The following SPMIP7 variants were observed in gnomAD, a reference collection of about 807,000 sequenced individuals.
SPMIP7 encodes protein SPMIP7.
the SPMIP7 span, among the ~76,000 whole-genome samples, chr7:50,139,597 A>AT: frequency 6.6e-6 from 1 of 152,162 alleles, no homozygotes; most frequent in African/African-American, 2.4e-5. Flanking sequence ...TAATTTGTTG[A>AT]TTATAAGTCA....
the SPMIP7 span, among the ~76,000 whole-genome samples, chr7:50,135,071 C>T: frequency 1.3e-5 from 2 of 152,142 alleles, no homozygotes. Flanking sequence ...CTCAAGTCTC[C>T]CATGCTCGTT....
the SPMIP7 span, among the ~76,000 whole-genome samples, chr7:50,103,065 T>TATATAA: frequency 7.4e-6 from 1 of 135,730 alleles, no homozygotes; most frequent in Non-Finnish European, 1.6e-5. Flanking sequence ...TATATATATA[T>TATATAA]AATATATATA....
the SPMIP7 span, among the ~76,000 whole-genome samples, chr7:50,098,785 G>C: frequency 5.3e-5 from 8 of 151,958 alleles, 1 homozygote; most frequent in Admixed American, 5.2e-4. Context: ...ACCTCCCGAA[G>C]TCTTCACCTC....
the SPMIP7 span, chr7:50,129,936 C>A: frequency 1.7e-6 from 1 of 588,024 alleles, no homozygotes; most frequent in South Asian, 2.3e-5. Context: ...ATATTGATTG[C>A]TAAAATAAAC....
chr7:50,140,155 T>A, the SPMIP7 span: 1 of 1,505,644 alleles, frequency 6.6e-7, no homozygotes, highest in South Asian at 1.3e-5. Flanking sequence ...GTTCAAGTTC[T>A]AGAAGTAAAT....
At chr7:50,098,476 G>A in the SPMIP7 span, among the ~76,000 whole-genome samples, 1 of 152,006 alleles carries the variant, frequency 6.6e-6, no homozygotes, top group African/African-American at 2.4e-5. Flanking sequence ...ATACCACTTT[G>A]TATGTCTTTC....
At chr7:50,151,157 G>C in the SPMIP7 span, among the ~76,000 whole-genome samples, 1 of 152,164 alleles carries the variant, frequency 6.6e-6, no homozygotes, top group African/African-American at 2.4e-5. Context: ...GCTCAGCAGT[G>C]AGTCATGTTT....
At chr7:50,131,236 A>G in the SPMIP7 span, among the ~76,000 whole-genome samples, 1 of 152,196 alleles carries the variant, frequency 6.6e-6, no homozygotes, top group Non-Finnish European at 1.5e-5. Context: ...ATGTAGAGCC[A>G]ACACAATTTT....
At chr7:50,156,521 T>G in the SPMIP7 span, among the ~76,000 whole-genome samples, 2 of 151,912 alleles carry the variant, frequency 1.3e-5, no homozygotes, top group East Asian at 3.9e-4. Flanking sequence ...AACCTCCCTG[T>G]GCCACACGAG....
At chr7:50,115,639 A>G in the SPMIP7 span, among the ~76,000 whole-genome samples, 1 of 152,188 alleles carries the variant, frequency 6.6e-6, no homozygotes, top group Non-Finnish European at 1.5e-5. Flanking sequence ...ATATGTGCAC[A>G]TTTAGAATAT....
At chr7:50,118,270 A>T in the SPMIP7 span, among the ~76,000 whole-genome samples, 2 of 152,084 alleles carry the variant, frequency 1.3e-5, no homozygotes, top group African/African-American at 2.4e-5. Flanking sequence ...TGAAGCTTCC[A>T]CTGTTAAAAG....
chr7:50,141,566 T>A, the SPMIP7 span: 1 of 555,854 alleles, frequency 1.8e-6, no homozygotes. Context: ...GGGGATTGAC[T>A]CACTTGGGGC....
the SPMIP7 span, among the ~76,000 whole-genome samples, chr7:50,104,126 C>T: frequency 3.3e-5 from 5 of 152,080 alleles, no homozygotes; most frequent in East Asian, 1.9e-4. Context: ...TATTGTAATT[C>T]GGCTCACATA....
At chr7:50,143,459 C>T in the SPMIP7 span, among the ~76,000 whole-genome samples, 1 of 152,202 alleles carries the variant, frequency 6.6e-6, no homozygotes, top group African/African-American at 2.4e-5. Flanking sequence ...AGCCACCACA[C>T]CCGGCCCAAA....
At chr7:50,125,042 T>C in the SPMIP7 span, among the ~76,000 whole-genome samples, 1 of 148,504 alleles carries the variant, frequency 6.7e-6, no homozygotes, top group Non-Finnish European at 1.5e-5. Context: ...GAGATTGCAG[T>C]GAGCCGAGAT....
the SPMIP7 span, among the ~76,000 whole-genome samples, chr7:50,148,270 A>C: frequency 0.82 from 123,865 of 151,910 alleles, 50,516 homozygotes; most frequent in East Asian, 0.92. Flanking sequence ...AATCAGTCTA[A>C]TCTTCCATGA....
chr7:50,118,362 G>A, the SPMIP7 span, among the ~76,000 whole-genome samples: 867 of 152,234 alleles, frequency 5.7e-3, 28 homozygotes, highest in South Asian at 0.088. Context: ...AATACTGGTG[G>A]GGTAACTGTT....
At chr7:50,112,877 C>T in the SPMIP7 span, among the ~76,000 whole-genome samples, 42 of 151,510 alleles carry the variant, frequency 2.8e-4, no homozygotes, top group African/African-American at 1.0e-3. Flanking sequence ...GGGAGTTATC[C>T]GGATGTGGAG....
At chr7:50,106,271 G>A in the SPMIP7 span, among the ~76,000 whole-genome samples, 1 of 152,176 alleles carries the variant, frequency 6.6e-6, no homozygotes. Flanking sequence ...AATTTTTGAA[G>A]AGGCAACCAA....
Sources: gnomAD v4.1 joint callset for allele counts (sites outside exome capture counted in the v4.1 genomes callset) on GRCh38, gnomAD v4.1.1 for gene constraint, MANE v1.5 for transcripts, NCBI Gene and HGNC (gene_info 2026-07-23, HGNC 2026-07-21) for gene names.